PTPRR: variants seen among roughly 807,000 people sequenced by gnomAD.
The protein encoded by PTPRR is protein tyrosine phosphatase receptor type R.
Under a neutral mutation model 77.2 loss-of-function variants are expected in PTPRR, and 38 were observed. The ratio of observed to expected loss-of-function variants is 0.49; its 90% CI spans 0.38 to 0.65. PTPRR has a LOEUF of 0.65. PTPRR is among the 30% of genes least tolerant of loss of function. PTPRR has a pLI of 0.00. For missense variants in PTPRR, 744 were observed against 799.2 expected (o/e 0.93, Z 0.83); for synonymous variants, 299 against 283.1 (o/e 1.06, Z -0.57).
chr12:70,900,404 C>G (rs1193657690), intron 1 of PTPRR, among the ~76,000 whole-genome samples: 1 of 150,470 alleles, frequency 6.6e-6, no homozygotes, highest in Non-Finnish European at 1.5e-5. Flanking sequence ...ATATAAAATC[C>G]AAAACAATAA....
intron 1 of PTPRR, 38 bp from the exon 2 acceptor site, chr12:70,893,015 C>T: frequency 6.3e-7 from 1 of 1,589,502 alleles, no homozygotes; most frequent in South Asian, 1.1e-5. Context: ...ATCAAAGACC[C>T]TATTCAGTAA....
chr12:70,797,711 C>T (rs905287849), intron 2 of PTPRR, among the ~76,000 whole-genome samples: 1 of 152,078 alleles, frequency 6.6e-6, no homozygotes, highest in African/African-American at 2.4e-5. Context: ...CCATTGAGTA[C>T]TCTTGTCTTC....
chr12:70,821,365 C>T (rs886655034), intron 2 of PTPRR, among the ~76,000 whole-genome samples: 3 of 151,296 alleles, frequency 2.0e-5, no homozygotes, highest in African/African-American at 7.3e-5. Context: ...GCTGGGATTA[C>T]AGGCACACAC....
chr12:70,915,495 G>T (rs1258783245), intron 1 of PTPRR, among the ~76,000 whole-genome samples: 1 of 152,152 alleles, frequency 6.6e-6, no homozygotes, highest in Non-Finnish European at 1.5e-5. Flanking sequence ...TTTTTCTAGT[G>T]TATTAGACTC....
At chr12:70,659,683 G>C (rs946155302) in intron 12 of PTPRR, among the ~76,000 whole-genome samples, 2 of 151,986 alleles carry the variant, frequency 1.3e-5, no homozygotes, top group Non-Finnish European at 2.9e-5. Context: ...TTAAGTTTAG[G>C]ATAAAGCCAG....
At chr12:70,740,451 C>A (rs981391066) in intron 6 of PTPRR, among the ~76,000 whole-genome samples, 2 of 151,942 alleles carry the variant, frequency 1.3e-5, no homozygotes, top group African/African-American at 4.8e-5. Context: ...CAGTTCACTG[C>A]AACCTCTGCT....
chr12:70,767,585 T>C (rs1040733104), intron 2 of PTPRR, among the ~76,000 whole-genome samples: 2 of 152,136 alleles, frequency 1.3e-5, no homozygotes, highest in Admixed American at 1.3e-4. Flanking sequence ...AACACCCCAC[T>C]GTCAACATTA....
At chr12:70,828,101 T>C (rs970236270) in intron 2 of PTPRR, among the ~76,000 whole-genome samples, 5 of 152,098 alleles carry the variant, frequency 3.3e-5, no homozygotes, top group African/African-American at 9.7e-5. Context: ...AGTCCCTACA[T>C]TGGGGATTAG....
chr12:70,667,492 A>G (rs560152416), intron 10 of PTPRR, among the ~76,000 whole-genome samples: 12 of 152,230 alleles, frequency 7.9e-5, no homozygotes, highest in African/African-American at 2.9e-4. Flanking sequence ...CCATGAAATG[A>G]AATTAGGCTG....
chr12:70,836,211 T>A (rs569209275), intron 2 of PTPRR, among the ~76,000 whole-genome samples: 1 of 152,084 alleles, frequency 6.6e-6, no homozygotes, highest in Non-Finnish European at 1.5e-5. Flanking sequence ...TTGAATGGCA[T>A]GTATGAGTTG....
At chr12:70,813,488 A>C (rs934374659) in intron 2 of PTPRR, among the ~76,000 whole-genome samples, 3 of 152,216 alleles carry the variant, frequency 2.0e-5, no homozygotes, top group African/African-American at 7.2e-5. Flanking sequence ...AATACCATGC[A>C]TATTGTGTTT....
intron 1 of PTPRR, among the ~76,000 whole-genome samples, chr12:70,904,914 G>A (rs2137130637): frequency 6.6e-6 from 1 of 151,864 alleles, no homozygotes; most frequent in Middle Eastern, 3.4e-3. Flanking sequence ...GAGTGACTAT[G>A]TGTTACCAGG....
chr12:70,872,258 G>A (rs1001089141), intron 2 of PTPRR, among the ~76,000 whole-genome samples: 1 of 152,082 alleles, frequency 6.6e-6, no homozygotes, highest in African/African-American at 2.4e-5. Context: ...GGCACATGAA[G>A]TAGGCTTTAG....
chr12:70,917,177 T>C (rs565684611), intron 1 of PTPRR, among the ~76,000 whole-genome samples: 1 of 152,286 alleles, frequency 6.6e-6, no homozygotes, highest in South Asian at 2.1e-4. Flanking sequence ...TGTGGTGGCT[T>C]TTAATTGCCT....
rs1358714447 is a variant in PTPRR, at chr12:70,824,690, T to C, written c.358-59912A>G. Among the ~76,000 whole-genome samples the C allele has an allele frequency of 2.0e-5, 3 of 152,168 alleles. No homozygotes were observed. In the East Asian group the frequency reaches 5.8e-4, roughly 29 times the overall value. On this transcript the variant is annotated intron_variant, in intron 2 of 13. Transcript: ENST00000283228. ...AGCTGCTGGTTCGTGTTGCTTTCCTTATCCTTCCAGTGCTAGAGAGCAAAT... is the reference window on the plus strand; with the variant it reads ...AGCTGCTGGTTCGTGTTGCTTTCCTCATCCTTCCAGTGCTAGAGAGCAAAT...
At chr12:70,827,895 T>C (rs1892143080) in intron 2 of PTPRR, among the ~76,000 whole-genome samples, 1 of 151,806 alleles carries the variant, frequency 6.6e-6, no homozygotes, top group South Asian at 2.1e-4. Context: ...TAATTTTTTG[T>C]GTTTTTAGTA....
At chr12:70,801,228 C>A (rs1891609322) in intron 2 of PTPRR, among the ~76,000 whole-genome samples, 1 of 152,196 alleles carries the variant, frequency 6.6e-6, no homozygotes. Context: ...GCTCTACCTT[C>A]TTAAAGTCCA....
rs1365322912 is a variant in PTPRR at position 70,826,615 on chromosome 12, T to C, written c.358-61837A>G. On this transcript the variant is annotated intron_variant, in intron 2 of 13. Coordinates refer to ENST00000283228, the MANE Select transcript of PTPRR (RefSeq NM_002849.4). ...CTAAAATATTCTGTCCTGGTCACCC[T>C]AGAAGCACGTGTAAACTTGTCAATC... Among the ~76,000 whole-genome samples, 3 of 152,228 alleles carry C rather than the reference T, an allele frequency of 2.0e-5. 1 individual carries two copies. The highest frequency in any genetic ancestry group is 2.0e-4 in the Admixed American group (3 of 15,288).
intron 2 of PTPRR, among the ~76,000 whole-genome samples, chr12:70,778,748 G>C (rs1891141606): frequency 6.6e-6 from 1 of 151,976 alleles, no homozygotes; most frequent in Non-Finnish European, 1.5e-5. Context: ...TATTCTTTGT[G>C]ATTGTTGTAG....
Sources: allele counts gnomAD v4.1 joint callset (sites outside exome capture counted in the v4.1 genomes callset), GRCh38; gene constraint gnomAD v4.1.1; transcripts MANE v1.5; gene names NCBI Gene and HGNC (gene_info 2026-07-23, HGNC 2026-07-21).